GSTA1: variants seen among roughly 807,000 people sequenced by gnomAD.
The protein encoded by GSTA1 is glutathione S-transferase A1.
A neutral mutation model predicts 21.5 loss-of-function variants in GSTA1; 23 were observed. The ratio of observed to expected loss-of-function variants is 1.07; its 90% CI spans 0.77 to 1.52. GSTA1 has a LOEUF of 1.52. GSTA1 is among the 40% of genes most tolerant of loss of function. The probability of loss-of-function intolerance (pLI) is 0.00; values close to 1 mark genes in which losing one functional copy is unlikely to be tolerated. For synonymous variants in GSTA1, 125 were observed against 90.0 expected (o/e 1.39, Z -2.20); for missense variants, 301 against 264.2 (o/e 1.14, Z -0.96).
chr6:52,802,993 T>C (rs1381155956), intron 1 of GSTA1, among the ~76,000 whole-genome samples: 1 of 152,042 alleles, frequency 6.6e-6, no homozygotes, highest in East Asian at 1.9e-4. Context: ...CCCCATGAGG[T>C]CATGTAGTCC....
At chr6:52,794,322 T>G in intron 4 of GSTA1, 56 bp from the exon 5 acceptor site, 1 of 1,545,708 alleles carries the variant, frequency 6.5e-7, no homozygotes, top group Non-Finnish European at 8.8e-7. Flanking sequence ...ATTTTATAGG[T>G]TTATAAAAAC....
Position 52,796,225 on chromosome 6 carries a change from T to G in GSTA1, c.229A>C (p.Ser77Arg), listed in dbSNP as rs377563660. ...TCTTTCCCATAGAGGTTGTATTTGC[T>G]GGCAATGTAGTTGAGAATGGCTCTG... The part of the protein sequence containing the change: ...QTRAILNYIA[S>R]KYNLYGKDIK... Residue 77 changes from serine to arginine, a missense_variant, in exon 4 of 7, where the codon AGC becomes CGC. Ser to Arg is a moderately radical substitution (Grantham distance 110). Transcript: ENST00000334575. The G allele has an allele frequency of 2.5e-6, 4 of 1,613,792 alleles. No homozygotes were observed. In the African/African-American group the frequency reaches 4.0e-5, roughly 16 times the overall value.
chr6:52,794,118 C>T lies in GSTA1; in HGVS notation c.414+7G>A. On this transcript the variant is annotated splice_region_variant and intron_variant, in intron 5 of 6. Coordinates refer to ENST00000334575, the MANE Select transcript of GSTA1 (RefSeq NM_145740.5). ...AGTTCCCCAAAACACTGAACTGCTT[C>T]ACTTACTTTTTCAAAGGCAGGGAAG... 6.2e-7 allele frequency: 1 copy of T among 1,613,672 alleles called. No homozygotes were observed. Among genetic ancestry groups the T allele is most frequent in the Admixed American group, 1.7e-5 (1 of 60,012 alleles).
chr6:52,794,281 C>T lies in GSTA1; in HGVS notation c.273-15G>A, dbSNP rs1422094439. The T allele has an allele frequency of 1.9e-6, 3 of 1,605,280 alleles. No individual in the cohort carries two copies. The highest frequency in any genetic ancestry group is 2.6e-6 in the Non-Finnish European group (3 of 1,175,272). On this transcript the variant is annotated splice_polypyrimidine_tract_variant and intron_variant, in intron 4 of 6. Transcript: ENST00000334575. The stretch of plus-strand genomic sequence containing the variant: ...ACATATCAATCCTGAAAGACAGAAA[C>T]AACCAAATGGTCAAATACCTTTTGC...
chr6:52,797,706 C>A, intron 2 of GSTA1, 69 bp from the exon 3 acceptor site: 3 of 1,264,318 alleles, frequency 2.4e-6, no homozygotes, highest in Non-Finnish European at 3.5e-6. Flanking sequence ...TTGAATGGCC[C>A]CATCTGGTGC....
At chr6:52,800,779 C>A (rs1443978079) in intron 1 of GSTA1, among the ~76,000 whole-genome samples, 1 of 152,166 alleles carries the variant, frequency 6.6e-6, no homozygotes, top group Admixed American at 6.6e-5. Flanking sequence ...TCTCTCCAAA[C>A]CCCCAGCTCT....
Position 52,792,850 on chromosome 6 carries a change from G to A in GSTA1, c.546+6C>T. ...GGCTGCCTCTCTGGGCTGTGAAATG[G>A]GTCACCTTCAGCAGAGGGAAGCTGG... On this transcript the variant is annotated splice_donor_region_variant and intron_variant, in intron 6 of 6. Transcript: ENST00000334575. 1.9e-6 allele frequency: 3 copies of A among 1,613,836 alleles called. No homozygotes were observed. The highest frequency in any genetic ancestry group is 1.3e-5 in the African/African-American group (1 of 74,994).
At chr6:52,792,132 T>C in intron 6 of GSTA1, 152 bp from the exon 7 acceptor site, 1 of 1,149,218 alleles carries the variant, frequency 8.7e-7, no homozygotes, top group Non-Finnish European at 1.2e-6. Context: ...CAGTGAGAAA[T>C]GAAGATAAGG....
chr6:52,792,574 C>T, intron 6 of GSTA1: 2 of 559,642 alleles, frequency 3.6e-6, no homozygotes, highest in South Asian at 2.0e-5. Context: ...GGAACAGAAA[C>T]CACATTGAAA....
At chr6:52,800,295 G>T (rs1293639289) in intron 1 of GSTA1, among the ~76,000 whole-genome samples, 1 of 152,194 alleles carries the variant, frequency 6.6e-6, no homozygotes, top group East Asian at 1.9e-4. Context: ...GATGGATCGG[G>T]ATGCAGACTC....
Position 52,792,851 on chromosome 6 carries a change from G to T in GSTA1, c.546+5C>A. The T allele has an allele frequency of 2.5e-6, 4 of 1,613,872 alleles. No homozygotes were observed. The highest frequency in any genetic ancestry group is 3.4e-6 in the Non-Finnish European group (4 of 1,179,846). On this transcript the variant is annotated splice_donor_5th_base_variant and intron_variant, in intron 6 of 6. Transcript: ENST00000334575. ...GCTGCCTCTCTGGGCTGTGAAATGG[G>T]TCACCTTCAGCAGAGGGAAGCTGGA...
chr6:52,796,533 A>G (rs1177693383), intron 3 of GSTA1, among the ~76,000 whole-genome samples: 1 of 37,142 alleles, frequency 2.7e-5, no homozygotes, highest in African/African-American at 7.2e-5. Context: ...GTGTGTGTAT[A>G]TATATATATA....
At chr6:52,798,487 A>G (rs1328538583) in intron 2 of GSTA1, among the ~76,000 whole-genome samples, 7 of 102,516 alleles carry the variant, frequency 6.8e-5, no homozygotes, top group African/African-American at 2.3e-4. Context: ...AATCTTTAAT[A>G]GGTAGTTTGT....
chr6:52,793,978 C>T, intron 5 of GSTA1, 147 bp downstream of exon 5: 1 of 966,160 alleles, frequency 1.0e-6, no homozygotes, highest in South Asian at 1.6e-5. Context: ...AGTCTATTTT[C>T]ATAAAATGCC....
chr6:52,802,336 A>G (rs1197104865), intron 1 of GSTA1, among the ~76,000 whole-genome samples: 1 of 152,216 alleles, frequency 6.6e-6, no homozygotes, highest in African/African-American at 2.4e-5. Flanking sequence ...AGAATGAGAT[A>G]AACTATGACT....
chr6:52,799,160 A>G (rs780790884), intron 2 of GSTA1, 21 bp downstream of exon 2: 3 of 1,607,366 alleles, frequency 1.9e-6, no homozygotes, highest in Non-Finnish European at 2.6e-6. Context: ...CCAACTTAAG[A>G]TGACCTAACT....
Sources: allele counts gnomAD v4.1 joint callset (sites outside exome capture counted in the v4.1 genomes callset), GRCh38; gene constraint gnomAD v4.1.1; transcripts MANE v1.5; gene names NCBI Gene and HGNC (gene_info 2026-07-23, HGNC 2026-07-21).